LILRB2: variants seen among roughly 807,000 people sequenced by gnomAD.
The protein encoded by LILRB2 is leukocyte immunoglobulin like receptor B2, also known as leukocyte immunoglobulin-like receptor subfamily B member 2.
A neutral mutation model predicts 72.7 loss-of-function variants in LILRB2; 47 were observed. That is an observed-to-expected ratio of 0.65 (90% confidence interval 0.51 to 0.82). The LOEUF is 0.82. LILRB2 is among the 40% of genes least tolerant of loss of function. The pLI, the probability that LILRB2 is intolerant of heterozygous loss-of-function variation, is 0.00. For missense variants in LILRB2, 767 were observed against 764.8 expected (o/e 1.00, Z -0.03); for synonymous variants, 279 against 313.7 (o/e 0.89, Z 1.17).
At position 54,280,508 on chromosome 19, in the gene LILRB2, C is replaced by T. The variant is rs1458297647; in HGVS notation, c.-12G>A. On this transcript the variant is annotated 5_prime_UTR_variant, in exon 2 of 14. Coordinates refer to ENST00000314446, the MANE Select transcript of LILRB2 (RefSeq NM_001080978.4). Reference sequence around the variant, plus strand: ...ACGATGGGGGTCATGGCGTCTCCTCCCACTGCCCTGCTCTGCGGATGGATG... The same window carrying T: ...ACGATGGGGGTCATGGCGTCTCCTCTCACTGCCCTGCTCTGCGGATGGATG... 1 of 1,613,798 alleles carries T rather than the reference C, an allele frequency of 6.2e-7. No individual in the cohort carries two copies. The highest frequency in any genetic ancestry group is 8.5e-7 in the Non-Finnish European group (1 of 1,179,952).
rs2080472569 is a variant in LILRB2, at chr19:54,279,965, A to G, written c.181T>C (p.Tyr61His). The G allele has an allele frequency of 5.6e-6, 9 of 1,614,026 alleles. No individual in the cohort carries two copies. The highest frequency in any genetic ancestry group is 5.5e-5 in the South Asian group (5 of 91,082). Residue 61 changes from tyrosine to histidine, a missense_variant, in exon 4 of 14, where the codon TAT (tyrosine) becomes CAT (histidine). Around this residue, in one of 3 missense-constraint regions of LILRB2, gnomAD observed 599 missense variants for 568.2 expected, o/e 1.05. Coordinates refer to ENST00000314446, the MANE Select transcript of LILRB2 (RefSeq NM_001080978.4). ...CAAGATGCTGATTTTTTCTCCCTAT[A>G]TAGACGGTACTCCTGGGCTTCAAGG... ...GSLEAQEYRL[Y>H]REKKSASWIT...
rs2080393638 is a variant in LILRB2 at position 54,278,870 on chromosome 19, T to A, written c.897A>T (p.Ala299=). 2 of 1,613,958 alleles carry A rather than the reference T, an allele frequency of 1.2e-6. No individual in the cohort carries two copies. Among genetic ancestry groups the A allele is most frequent in the Non-Finnish European group, 1.7e-6 (2 of 1,179,926 alleles). The change falls in exon 6 of 14, where the codon GCA becomes GCT. Residue 299 remains alanine, a synonymous_variant. Coordinates refer to ENST00000314446, the MANE Select transcript of LILRB2 (RefSeq NM_001080978.4). ...SYGGQYRCYG[A]HNLSSECSAP... is the part of the protein sequence containing the mutation. ...CCGAGCACTCAGAGGAGAGGTTGTG[T>A]GCACCGTAGCATCTGTACTGGCCCC...
chr19:54,274,675 C>A lies in LILRB2; in HGVS notation c.*8G>T. 1 of 1,613,958 alleles carries A rather than the reference C, an allele frequency of 6.2e-7. No individual in the cohort carries two copies. Among genetic ancestry groups the A allele is most frequent in the Non-Finnish European group, 8.5e-7 (1 of 1,179,998 alleles). On this transcript the variant is annotated 3_prime_UTR_variant, in exon 14 of 14. Coordinates refer to ENST00000314446, the MANE Select transcript of LILRB2 (RefSeq NM_001080978.4). ...TCTACTGAGTGTGGAGTCTGCGTAC[C>A]CTCCGGGCTAGTGGATGGCCAGGGT...
intron 3 of LILRB2, 73 bp from the exon 4 acceptor site, chr19:54,280,148 T>A: frequency 6.2e-7 from 1 of 1,608,770 alleles, no homozygotes; most frequent in Non-Finnish European, 8.5e-7. Context: ...CCCAGGACCC[T>A]CCAGATGCCC....
rs3900844 is a variant in LILRB2, at chr19:54,277,907, C to A, written c.1291G>T (p.Gly431Cys). 6.5e-7 allele frequency: 1 copy of A among 1,544,996 alleles called. No individual in the cohort carries two copies. The highest frequency in any genetic ancestry group is 8.7e-7 in the Non-Finnish European group (1 of 1,143,820). Residue 431 changes from glycine (G) to cysteine (C), a missense_variant, in exon 8 of 14, where the codon GGT becomes TGT. By Grantham distance (159) the Gly-to-Cys change is radical (BLOSUM62 -3). Coordinates refer to ENST00000314446, the MANE Select transcript of LILRB2 (RefSeq NM_001080978.4). ...PSMGSSPPPTGPISTPGPEDQ... is the reference protein window; with the variant it reads ...PSMGSSPPPTCPISTPGPEDQ... ...GACTCACCAGGTGTGGAGATGGGAC[C>A]GGTGGGTGGGGGGCTGGAACCCATG...
chr19:54,276,314 T>C lies in LILRB2; in HGVS notation c.1557-13A>G. On this transcript the variant is annotated splice_polypyrimidine_tract_variant and intron_variant, in intron 11 of 13. Transcript: ENST00000314446. ...AGCTGGGCTGGACCTGGGGGAGGAATGGGAGCTTTAGGGGCAGTGTATGGG... is the reference window on the plus strand; with the variant it reads ...AGCTGGGCTGGACCTGGGGGAGGAACGGGAGCTTTAGGGGCAGTGTATGGG... The C allele has an allele frequency of 6.2e-7, 1 of 1,613,836 alleles. No homozygotes were observed. Among genetic ancestry groups the C allele is most frequent in the Non-Finnish European group, 8.5e-7 (1 of 1,179,978 alleles).
intron 7 of LILRB2, 117 bp from the exon 8 acceptor site, chr19:54,278,056 T>G (rs1176668973): frequency 6.3e-6 from 7 of 1,106,928 alleles, no homozygotes; most frequent in Non-Finnish European, 8.9e-6. Flanking sequence ...TCCACCCGCC[T>G]CTCCTGTCCA....
At position 54,278,281 on chromosome 19, in the gene LILRB2, G is replaced by T. The variant is rs188934193; in HGVS notation, c.1237C>A (p.Pro413Thr). The change falls in exon 7 of 14, where the codon CCC becomes ACC. Residue 413 changes from proline (P) to threonine (T), a missense_variant. Pro to Thr is a conservative substitution (Grantham distance 38, BLOSUM62 -1). This residue lies in a region of LILRB2 where 599 missense variants were observed against 568.2 expected (regional missense o/e 1.05). Coordinates refer to ENST00000314446, the MANE Select transcript of LILRB2 (RefSeq NM_001080978.4). ...DPYLLSHPSEPLELVVSGPSM... is the reference protein window; with the variant it reads ...DPYLLSHPSETLELVVSGPSM... ...CCACCTGAGACCACGAGCTCCAGGG[G>T]CTCACTGGGGTGAGACAGCAGGTAG... The T allele has an allele frequency of 3.5e-5, 57 of 1,614,204 alleles. No homozygotes were observed. In the African/African-American group the frequency reaches 6.7e-4, roughly 19 times the overall value.
chr19:54,275,633 T>C (rs998255201), intron 13 of LILRB2: 18 of 546,608 alleles, frequency 3.3e-5, no homozygotes, highest in Middle Eastern at 8.6e-4. Context: ...GAACACTCAC[T>C]GGTTGAATGA....
chr19:54,274,355 T>G lies in LILRB2; in HGVS notation c.*328A>C. On this transcript the variant is annotated 3_prime_UTR_variant, in exon 14 of 14. Transcript: ENST00000314446. Reference sequence around the variant, plus strand: ...TTTTTTTCGTTTCTACTTTTTTCATTTGTGGTTTGTACTTTTTCAATTTCA... The same window carrying G: ...TTTTTTTCGTTTCTACTTTTTTCATGTGTGGTTTGTACTTTTTCAATTTCA... The G allele has an allele frequency of 3.7e-6, 1 of 266,832 alleles. No homozygotes were observed. Among genetic ancestry groups the G allele is most frequent in the Non-Finnish European group, 6.9e-6 (1 of 143,926 alleles). 16.5% of individuals were successfully genotyped at this position (266,832 alleles called of 1,614,324 possible). A position where few individuals can be genotyped will look rare whatever the true frequency, so the allele number is the denominator to read the frequency against.
chr19:54,274,723 G>A lies in LILRB2; in HGVS notation c.1754C>T (p.Pro585Leu), dbSNP rs202182093. The A allele has an allele frequency of 6.0e-5, 97 of 1,613,786 alleles. No homozygotes were observed. Among genetic ancestry groups the A allele is most frequent in the Non-Finnish European group, 6.0e-5 (71 of 1,180,030 alleles). Residue 585 changes from proline to leucine, a missense_variant, in exon 14 of 14, where the codon CCA (proline) becomes CTA (leucine). Transcript: ENST00000314446. ...GGTGGCGTAGATGCTGGGCTCAGCT[G>A]GAGGTTCCCTTTCCTGGGATGGAGG... ...EPPPSQEREP[P>L]AEPSIYATLA...
rs138088115 is a variant in LILRB2 at position 54,279,366 on chromosome 19, G to A, written c.637C>T (p.Leu213Phe). The change falls in exon 5 of 14, where the codon CTC becomes TTC. Residue 213 changes from leucine to phenylalanine, a missense_variant. Leu to Phe is a conservative substitution (Grantham distance 22). Coordinates refer to ENST00000314446, the MANE Select transcript of LILRB2 (RefSeq NM_001080978.4). ...SPYVWSSPSDLLELLVPGVSK... is the reference protein window; with the variant it reads ...SPYVWSSPSDFLELLVPGVSK... ...TCACCTGGGACCAGGAGCTCCAGGA[G>A]ATCACTGGGTGAAGACCACACATAG... 6.2e-6 allele frequency: 10 copies of A among 1,612,824 alleles called. No homozygotes were observed. In the African/African-American group the frequency reaches 1.2e-4, roughly 19 times the overall value.
intron 9 of LILRB2, chr19:54,277,338 C>T (rs1259772432): frequency 1.1e-5 from 13 of 1,207,382 alleles, no homozygotes; most frequent in African/African-American, 1.5e-5. Flanking sequence ...CCCTGAGGGG[C>T]CTCCTCTCCC....
At chr19:54,274,878 G>A (rs760543896) in intron 13 of LILRB2, 49 bp from the exon 14 acceptor site, 18 of 1,609,724 alleles carry the variant, frequency 1.1e-5, no homozygotes, top group African/African-American at 2.7e-5. Context: ...GGGTGGGGGA[G>A]GCCTGGGGGC....
rs372812002 is a variant in LILRB2, at chr19:54,280,097, G to A, written c.71-22C>T. On this transcript the variant is annotated intron_variant, in intron 3 of 13. Transcript: ENST00000314446. ...GTCCCTGGAAGGAAATCAAAGGTCA[G>A]ATTCGAAGTCATTTCCCACCCAACA... The A allele has an allele frequency of 8.8e-5, 142 of 1,612,764 alleles. 1 individual carries two copies. In the African/African-American group the frequency reaches 1.8e-3, roughly 21 times the overall value.
chr19:54,277,805 G>T, intron 8 of LILRB2, 84 bp downstream of exon 8: 1 of 1,348,842 alleles, frequency 7.4e-7, no homozygotes, highest in Non-Finnish European at 1.0e-6. Flanking sequence ...TTGAGTCCCT[G>T]AAGGGAATGG....
At chr19:54,275,471 A>G (rs1386601696) in intron 13 of LILRB2, 1 of 520,396 alleles carries the variant, frequency 1.9e-6, no homozygotes, top group Admixed American at 2.3e-5. Context: ...TCCCTGGTGT[A>G]TGTTCCTTTA....
At chr19:54,277,187 A>C (rs1355242824) in intron 9 of LILRB2, 14 of 1,525,888 alleles carry the variant, frequency 9.2e-6, no homozygotes, top group Non-Finnish European at 1.1e-5. Context: ...TTGTTCCTGC[A>C]CCAGAGCCGA....
In LILRB2 at chr19:54,278,456, G is replaced by A. The variant is rs2080359016; in HGVS notation, c.1062C>T (p.Phe354=). The A allele has an allele frequency of 1.2e-6, 2 of 1,614,102 alleles. No individual in the cohort carries two copies. The highest frequency in any genetic ancestry group is 1.7e-5 in the Admixed American group (1 of 60,010). Residue 354 remains phenylalanine, a synonymous_variant, in exon 7 of 14, where the codon TTC becomes TTT. Coordinates refer to ENST00000314446, the MANE Select transcript of LILRB2 (RefSeq NM_001080978.4). ...CAGCTGCTCCCGCCTTGGTCAGAAG[G>A]AAAGTGTGGAACTGCCGCCATGACT... ...LCQSWRQFHT[F]LLTKAGAADA...
Sources: allele counts gnomAD v4.1 joint callset, GRCh38; gene constraint gnomAD v4.1.1; regional missense constraint gnomAD v4.1.1; transcripts MANE v1.5; gene names NCBI Gene and HGNC (gene_info 2026-07-23, HGNC 2026-07-21).